Variants in BRWD3 observed in about 807,000 individuals in gnomAD.
The protein encoded by BRWD3 is bromodomain and WD repeat-containing protein 3.
BRWD3 carries 10 observed loss-of-function variants against 149.7 expected under a neutral mutation model. That is an observed-to-expected ratio of 0.07 (90% CI 0.04 to 0.11). The LOEUF (loss-of-function observed/expected upper bound fraction) is 0.11. BRWD3 is among the 10% of genes least tolerant of loss of function. The pLI is 1.00. For synonymous variants in BRWD3, 504 were observed against 456.7 expected, an observed-to-expected ratio of 1.10 and a Z score of -1.32; for missense variants, 940 against 1,373.2, an observed-to-expected ratio of 0.68 and a Z score of 4.99.
chrX:80,736,195 A>T, intron 8 of BRWD3, 107 bp from the exon 9 acceptor site: 1 of 517,937 alleles, frequency 1.9e-6, no homozygotes, highest in South Asian at 4.0e-5. Context: ...TAATTTCAAT[A>T]AATTCAGCTA....
intron 6 of BRWD3, among the ~76,000 whole-genome samples, chrX:80,756,522 A>AAAAAAAAAAC: frequency 9.3e-6 from 1 of 108,002 alleles, no homozygotes; most frequent in Non-Finnish European, 1.9e-5. Context: ...AAAAAAAAAA[A>AAAAAAAAAAC]AAAGAAACAA....
At chrX:80,726,376 A>ATG (rs10645951) in intron 14 of BRWD3, among the ~76,000 whole-genome samples, 10,047 of 68,468 alleles carry the variant, frequency 0.15, 1,159 homozygotes, top group African/African-American at 0.45. Context: ...TACATGTTAT[A>ATG]TCTGTATAAC....
At chrX:80,756,653 A>C (rs1438364363) in intron 6 of BRWD3, among the ~76,000 whole-genome samples, 2 of 111,341 alleles carry the variant, frequency 1.8e-5, no homozygotes, top group Non-Finnish European at 3.8e-5. Context: ...AATGGTTGAT[A>C]ATTGATTATA....
chrX:80,806,542 C>T (rs1299751081), intron 4 of BRWD3, among the ~76,000 whole-genome samples: 1 of 111,829 alleles, frequency 8.9e-6, no homozygotes, highest in East Asian at 2.8e-4. Context: ...ACCCTTTGAC[C>T]TGGTAACTCC....
intron 6 of BRWD3, among the ~76,000 whole-genome samples, chrX:80,751,076 A>C (rs927234235): frequency 1.8e-5 from 2 of 111,456 alleles, no homozygotes; most frequent in African/African-American, 6.5e-5. Context: ...GTAGAAAGGT[A>C]GTTACCACAG....
chrX:80,803,910 TAC>T (rs2074326010), intron 4 of BRWD3, among the ~76,000 whole-genome samples: 1 of 112,479 alleles, frequency 8.9e-6, no homozygotes, highest in African/African-American at 3.2e-5. Flanking sequence ...GGAATTTAAA[TAC>T]AGTGTTTTAA....
At chrX:80,745,842 C>T in intron 6 of BRWD3, 113 bp from the exon 7 acceptor site, 2 of 722,035 alleles carry the variant, frequency 2.8e-6, no homozygotes, top group Non-Finnish European at 2.1e-6. Context: ...AGCAATTCTG[C>T]CCTGTGAGAA....
chrX:80,748,925 T>G lies in BRWD3; in HGVS notation c.431-3196A>C, dbSNP rs1360256238. Among the ~76,000 whole-genome samples, 6 of 111,881 alleles carry G rather than the reference T, an allele frequency of 5.4e-5. No individual in the cohort carries two copies. The East Asian group carries it at 1.7e-3, about 31-fold the overall frequency. The stretch of plus-strand genomic sequence containing the variant: ...TGGTAGGTTGTGTTTCCATTTTCAT[T>G]TGCCTCAGTTTCCCTTTTAATTTAT... On this transcript the variant is annotated intron_variant, in intron 6 of 40. Transcript: ENST00000373275.
rs1475803864 is a variant in BRWD3 at position 80,772,042 on chromosome X, T to C, written c.430+19812A>G. Among the ~76,000 whole-genome samples, 3 of 111,820 alleles carry C rather than the reference T, an allele frequency of 2.7e-5. No homozygotes were observed. The East Asian group carries it at 8.5e-4, about 32-fold the overall frequency. Reference sequence around the variant, plus strand: ...GTGGGAGTGTAAACTAGTTCAACCATTCTGGAAGACAGTGTGGCGATTCCT... The same window carrying C: ...GTGGGAGTGTAAACTAGTTCAACCACTCTGGAAGACAGTGTGGCGATTCCT... On this transcript the variant is annotated intron_variant, in intron 6 of 40. Transcript: ENST00000373275.
chrX:80,739,514 T>C (rs2073453096), intron 8 of BRWD3, among the ~76,000 whole-genome samples: 1 of 111,261 alleles, frequency 9.0e-6, no homozygotes, highest in Non-Finnish European at 1.9e-5. Context: ...AGAAAGAGTA[T>C]GATAGAGAGG....
At chrX:80,720,575 C>T (rs2073135513) in intron 17 of BRWD3, among the ~76,000 whole-genome samples, 1 of 110,521 alleles carries the variant, frequency 9.0e-6, no homozygotes, top group East Asian at 2.8e-4. Flanking sequence ...AAACAAAAAA[C>T]CAAAAAACCT....
rs560341387 is a variant in BRWD3, at chrX:80,696,519, TAC to T, written c.3068+218_3068+219del. Among the ~76,000 whole-genome samples the T allele has an allele frequency of 0.076, 6,201 of 82,032 alleles. 330 individuals carry two copies. The highest frequency in any genetic ancestry group is 0.18 in the African/African-American group (3,951 of 22,569). The allele number at this position is 82,032 out of a possible 115,157, so 71.2% of individuals were successfully genotyped here. A position where few individuals can be genotyped will look rare whatever the true frequency, so the allele number is the denominator to read the frequency against. On this transcript the variant is annotated intron_variant, in intron 26 of 40. Coordinates refer to ENST00000373275, the MANE Select transcript of BRWD3 (RefSeq NM_153252.5). ...TCTATGTAACTATCCATAACATAAA[TAC>T]ACACACACACACACACACACACACA...
At chrX:80,735,662 G>A (rs1330848227) in intron 9 of BRWD3, among the ~76,000 whole-genome samples, 1 of 109,461 alleles carries the variant, frequency 9.1e-6, no homozygotes, top group African/African-American at 3.3e-5. Flanking sequence ...AAATTAGCCA[G>A]GCATAGTGGC....
intron 6 of BRWD3, among the ~76,000 whole-genome samples, chrX:80,775,753 A>G (rs1192861582): frequency 8.9e-6 from 1 of 112,295 alleles, no homozygotes; most frequent in Non-Finnish European, 1.9e-5. Flanking sequence ...TTTCATAAAG[A>G]TAACACAAAC....
At chrX:80,681,907 T>G in intron 39 of BRWD3, 90 bp downstream of exon 39, 3 of 794,526 alleles carry the variant, frequency 3.8e-6, no homozygotes, top group Non-Finnish European at 5.8e-6. Context: ...TCCATTGTTC[T>G]TTGCACTATA....
intron 8 of BRWD3, among the ~76,000 whole-genome samples, chrX:80,742,050 C>T: frequency 9.0e-6 from 1 of 111,616 alleles, no homozygotes. Flanking sequence ...TCAGGTCTAA[C>T]ATTTAAGTCT....
intron 14 of BRWD3, among the ~76,000 whole-genome samples, chrX:80,726,989 A>C (rs1194948886): frequency 9.4e-6 from 1 of 106,325 alleles, no homozygotes; most frequent in Non-Finnish European, 1.9e-5. Context: ...AATGTACATT[A>C]GGGAAAAAAA....
At chrX:80,693,166 C>T (rs1446443489) in intron 27 of BRWD3, 115 bp from the exon 28 acceptor site, 10 of 552,172 alleles carry the variant, frequency 1.8e-5, no homozygotes, top group Non-Finnish European at 2.8e-5. Flanking sequence ...TTATAAGAAG[C>T]TTCCATCTAG....
At chrX:80,724,088 T>C (rs1206008105) in intron 15 of BRWD3, among the ~76,000 whole-genome samples, 1 of 111,811 alleles carries the variant, frequency 8.9e-6, no homozygotes, top group Non-Finnish European at 1.9e-5. Context: ...CAATCATTGC[T>C]AGCAAGGACA....
Sources: allele counts gnomAD v4.1 joint callset (sites outside exome capture counted in the v4.1 genomes callset), GRCh38; gene constraint gnomAD v4.1.1; transcripts MANE v1.5; gene names NCBI Gene and HGNC (gene_info 2026-07-23, HGNC 2026-07-21).